RPS6KA2: variants seen among roughly 807,000 people sequenced by gnomAD.
RPS6KA2 encodes ribosomal protein S6 kinase A2.
In RPS6KA2, 42 loss-of-function variants were observed where a neutral mutation model predicts 91.8. The observed-to-expected ratio is 0.46, with a 90% CI of 0.36 to 0.59. The LOEUF (loss-of-function observed/expected upper bound fraction) is 0.59, where lower values mean the gene tolerates loss of function less well. Among genes scored for constraint, RPS6KA2 ranks in the 20% least tolerant of loss-of-function variants. RPS6KA2 has a pLI of 0.00. For missense variants in RPS6KA2, 798 were observed against 978.5 expected (o/e 0.82, Z 2.46); for synonymous variants, 414 against 393.6 (o/e 1.05, Z -0.61).
chr6:166,839,699 A>AGGGGAGGGGAGGG (rs1780415917), intron 2 of RPS6KA2, among the ~76,000 whole-genome samples: 3 of 19,494 alleles, frequency 1.5e-4, no homozygotes, highest in African/African-American at 7.5e-4. Flanking sequence ...AGAGGGGAGG[A>AGGGGAGGGGAGGG]GAGGAGAGGA....
At chr6:166,637,427 T>A (rs1787281291) in intron 2 of RPS6KA2, among the ~76,000 whole-genome samples, 1 of 152,198 alleles carries the variant, frequency 6.6e-6, no homozygotes, top group African/African-American at 2.4e-5. Flanking sequence ...CATTCCTGGC[T>A]CTGGCCCTGA....
rs376170849 is a variant in RPS6KA2 at position 166,576,384 on chromosome 6, G to A, written c.100-37600C>T. ...AGGGCTCAGAAGAAGACAGGAAAACGTGGGAAAGTTTGGAACTTCCTAGAG... is the reference window on the plus strand; with the variant it reads ...AGGGCTCAGAAGAAGACAGGAAAACATGGGAAAGTTTGGAACTTCCTAGAG... On this transcript the variant is annotated intron_variant, in intron 1 of 20. Transcript: ENST00000265678. 2.6e-4 allele frequency among the ~76,000 whole-genome samples: 39 copies of A among 152,322 alleles called. 1 individual carries two copies. In the South Asian group the frequency reaches 4.8e-3, roughly 19 times the overall value.
chr6:166,634,920 T>A (rs541053268), intron 2 of RPS6KA2, among the ~76,000 whole-genome samples: 38 of 152,294 alleles, frequency 2.5e-4, no homozygotes, highest in Non-Finnish European at 4.9e-4. Context: ...CAGATTTTTT[T>A]AGTGTTTGGT....
chr6:166,455,377 C>T (rs1780067193), intron 12 of RPS6KA2, among the ~76,000 whole-genome samples: 1 of 152,132 alleles, frequency 6.6e-6, no homozygotes, highest in Non-Finnish European at 1.5e-5. Flanking sequence ...ACGCAGCGTC[C>T]CACTGGTGCT....
rs886071483 is a variant in RPS6KA2 at position 166,726,445 on chromosome 6, C to T, written c.123+131755G>A. Among the ~76,000 whole-genome samples the T allele has an allele frequency of 6.6e-6, 1 of 152,188 alleles. No homozygotes were observed. Among genetic ancestry groups the T allele is most frequent in the Non-Finnish European group, 1.5e-5 (1 of 68,038 alleles). ...TTAGTCACCTCCCGAGAGCCCAGAC[C>T]CTGTAGCAGAGGCTTCTGTCACCAA... On this transcript the variant is annotated intron_variant, in intron 2 of 21. Transcript: ENST00000503859. This position sits in a 1 kb window ranked among gnomAD's most constrained non-coding sequence, Gnocchi z 4.4.
chr6:166,764,864 G>T (rs1005804683), intron 2 of RPS6KA2, among the ~76,000 whole-genome samples: 1 of 152,238 alleles, frequency 6.6e-6, no homozygotes, highest in Non-Finnish European at 1.5e-5. Context: ...TACACAACGT[G>T]TGTGTGTTCA....
In RPS6KA2 at chr6:166,418,054, C is replaced by T. The variant is rs1343478876; in HGVS notation, c.1938+171G>A. ...AGTGAGCCAAGATTGTGCCACTGCA[C>T]TCCAGCCTGGGTGAGACAGAGCGAG... On this transcript the variant is annotated intron_variant, in intron 19 of 20. Coordinates refer to ENST00000265678, the MANE Select transcript of RPS6KA2 (RefSeq NM_021135.6). The surrounding 1 kb of genome is among the most constrained non-coding windows in gnomAD (Gnocchi z 4.9). 6.6e-6 allele frequency among the ~76,000 whole-genome samples: 1 copy of T among 151,536 alleles called. No individual in the cohort carries two copies. Among genetic ancestry groups the T allele is most frequent in the African/African-American group, 2.4e-5 (1 of 41,144 alleles).
intron 2 of RPS6KA2, among the ~76,000 whole-genome samples, chr6:166,655,852 C>T (rs1787985313): frequency 6.6e-6 from 1 of 152,200 alleles, no homozygotes; most frequent in African/African-American, 2.4e-5. Flanking sequence ...TCAGCGACTC[C>T]ACCTCAGGAC....
At chr6:166,685,737 A>G (rs1255747561) in intron 2 of RPS6KA2, among the ~76,000 whole-genome samples, 1 of 152,156 alleles carries the variant, frequency 6.6e-6, no homozygotes, top group Non-Finnish European at 1.5e-5. Flanking sequence ...GCCTTGTAGG[A>G]CTGAGGTTCA....
At chr6:166,456,130 A>T (rs1583159218) in intron 12 of RPS6KA2, among the ~76,000 whole-genome samples, 1 of 152,188 alleles carries the variant, frequency 6.6e-6, no homozygotes. Flanking sequence ...CACGGAAGAC[A>T]CAGCCACAAC....
At chr6:166,487,686 G>T (rs556257815) in intron 10 of RPS6KA2, among the ~76,000 whole-genome samples, 1 of 152,250 alleles carries the variant, frequency 6.6e-6, no homozygotes, top group Non-Finnish European at 1.5e-5. Context: ...ATGTAAATGT[G>T]TTTAATTAGG....
chr6:166,857,905 T>C (rs778785332), intron 2 of RPS6KA2, among the ~76,000 whole-genome samples: 14 of 152,240 alleles, frequency 9.2e-5, no homozygotes, highest in Non-Finnish European at 1.9e-4. Context: ...CTGGTACTAA[T>C]GCACCATGAC....
Position 166,554,768 on chromosome 6 carries a change from A to C in RPS6KA2, c.100-15984T>G, listed in dbSNP as rs1784130121. Among the ~76,000 whole-genome samples, 1 of 152,194 alleles carries C rather than the reference A, an allele frequency of 6.6e-6. No individual in the cohort carries two copies. The highest frequency in any genetic ancestry group is 1.9e-4 in the East Asian group (1 of 5,196). ...GACCTTCCATCCCTAGGAAAGGCCT[A>C]CTTATGATGAGAATTCTGATGTCAA... On this transcript the variant is annotated intron_variant, in intron 1 of 20. Transcript: ENST00000265678. This position sits in a 1 kb window ranked among gnomAD's most constrained non-coding sequence, Gnocchi z 4.3.
intron 2 of RPS6KA2, among the ~76,000 whole-genome samples, chr6:166,745,830 C>CT (rs1451936503): frequency 6.6e-6 from 1 of 152,212 alleles, no homozygotes; most frequent in Non-Finnish European, 1.5e-5. Context: ...TAAAAATTAT[C>CT]TACCGAAATG....
chr6:166,439,100 T>TTTAATTAA (rs36181462), intron 14 of RPS6KA2, among the ~76,000 whole-genome samples: 5,086 of 135,816 alleles, frequency 0.037, 285 homozygotes, highest in African/African-American at 0.12. Flanking sequence ...TGTCTTTATT[T>TTTAATTAA]TTAATTAATT....
In RPS6KA2 at chr6:166,771,346, T is replaced by C. The variant is rs572546849; in HGVS notation, c.123+86854A>G. The stretch of plus-strand genomic sequence containing the variant: ...CAGCTATTTTAATCTGTAGATTTCA[T>C]CTTCATCTGTAATACGCTCGCATAC... On this transcript the variant is annotated intron_variant, in intron 2 of 21. Coordinates refer to the RPS6KA2 transcript ENST00000503859. Among the ~76,000 whole-genome samples the C allele has an allele frequency of 8.5e-5, 13 of 152,334 alleles. No individual in the cohort carries two copies. In the South Asian group the frequency reaches 2.7e-3, roughly 32 times the overall value.
intron 5 of RPS6KA2, among the ~76,000 whole-genome samples, chr6:166,505,280 G>A (rs764458637): frequency 4.6e-5 from 7 of 152,162 alleles, no homozygotes; most frequent in Non-Finnish European, 8.8e-5. Flanking sequence ...GGGCTGGGAG[G>A]TGACCAGGCA....
chr6:166,517,786 T>C (rs1458011541), intron 3 of RPS6KA2, among the ~76,000 whole-genome samples: 1 of 152,202 alleles, frequency 6.6e-6, no homozygotes, highest in Non-Finnish European at 1.5e-5. Context: ...ACTTAAGGCA[T>C]TCTTAAACCA....
intron 2 of RPS6KA2, among the ~76,000 whole-genome samples, chr6:166,532,246 C>T (rs1028981200): frequency 2.6e-5 from 4 of 152,166 alleles, no homozygotes; most frequent in African/African-American, 7.2e-5. Flanking sequence ...AGTGAGCATC[C>T]GTGTGGAGCA....
Sources: allele counts gnomAD v4.1 joint callset (sites outside exome capture counted in the v4.1 genomes callset), GRCh38; gene constraint gnomAD v4.1.1; non-coding constraint Gnocchi (gnomAD v3.1); transcripts MANE v1.5; gene names NCBI Gene and HGNC (gene_info 2026-07-23, HGNC 2026-07-21).